CYP20A1: variants seen among roughly 807,000 people sequenced by gnomAD.
CYP20A1 encodes the protein cytochrome P450 family 20 subfamily A member 1.
Under a neutral mutation model 61.4 loss-of-function variants are expected in CYP20A1, and 61 were observed. The ratio of observed to expected loss-of-function variants is 0.99; its 90% CI spans 0.81 to 1.23. The LOEUF (loss-of-function observed/expected upper bound fraction) is 1.23, where lower values mean the gene tolerates loss of function less well. CYP20A1 is among the 50% of genes most tolerant of loss of function. The pLI is 0.00. For missense variants in CYP20A1, 530 were observed against 542.4 expected, an observed-to-expected ratio of 0.98 and a Z score of 0.23; for synonymous variants, 193 against 188.2, an observed-to-expected ratio of 1.03 and a Z score of -0.21.
At chr2:203,264,210 C>G (rs934998542) in intron 4 of CYP20A1, among the ~76,000 whole-genome samples, 1 of 151,990 alleles carries the variant, frequency 6.6e-6, no homozygotes, top group Non-Finnish European at 1.5e-5. Context: ...TTGTCTCAAA[C>G]TCCTGGCCTC....
At chr2:203,263,688 A>G in intron 4 of CYP20A1, among the ~76,000 whole-genome samples, 1 of 152,176 alleles carries the variant, frequency 6.6e-6, no homozygotes, top group East Asian at 1.9e-4. Context: ...GTTATCTACA[A>G]GTATAGTGCT....
rs1286125613 is a variant in CYP20A1, at chr2:203,304,962, T to C, written c.*8054T>C. 1.3e-5 allele frequency among the ~76,000 whole-genome samples: 2 copies of C among 152,126 alleles called. No individual in the cohort carries two copies. The highest frequency in any genetic ancestry group is 6.6e-5 in the Admixed American group (1 of 15,256). On this transcript the variant is annotated 3_prime_UTR_variant, in exon 13 of 13. Coordinates refer to ENST00000356079, the MANE Select transcript of CYP20A1 (RefSeq NM_177538.3). The stretch of plus-strand genomic sequence containing the variant: ...AATAAATAAATACATGTTAAACATA[T>C]ACCTTTATTACTTCATTTTTGTAAG...
chr2:203,239,814 T>C (rs1464895105), intron 1 of CYP20A1, among the ~76,000 whole-genome samples: 1 of 152,146 alleles, frequency 6.6e-6, no homozygotes, highest in Non-Finnish European at 1.5e-5. Context: ...ACAAAAGTGT[T>C]GATGACTGAG....
chr2:203,258,837 T>C (rs1162324310), intron 4 of CYP20A1, among the ~76,000 whole-genome samples: 6 of 152,214 alleles, frequency 3.9e-5, no homozygotes, highest in African/African-American at 1.4e-4. Flanking sequence ...GGCAGTTATG[T>C]TGCCTCTATT....
rs375416936 is a variant in CYP20A1, at chr2:203,275,544, A to T, written c.679+2796A>T. 3.3e-5 allele frequency among the ~76,000 whole-genome samples: 5 copies of T among 151,634 alleles called. No individual in the cohort carries two copies. The East Asian group carries it at 9.7e-4, about 29-fold the overall frequency. On this transcript the variant is annotated intron_variant, in intron 6 of 12. Coordinates refer to ENST00000356079, the MANE Select transcript of CYP20A1 (RefSeq NM_177538.3). ...AACCTCTGCCTCCCGGGTTCAAACG[A>T]TTCTCGGGCCTCAGCCTCCCAAGTA...
chr2:203,239,769 C>T (rs988704127), intron 1 of CYP20A1, among the ~76,000 whole-genome samples: 1 of 152,220 alleles, frequency 6.6e-6, no homozygotes, highest in African/African-American at 2.4e-5. Flanking sequence ...CCTCTCTCCA[C>T]TTGCCTCCGT....
intron 6 of CYP20A1, among the ~76,000 whole-genome samples, chr2:203,273,361 A>G (rs910323419): frequency 6.6e-6 from 1 of 152,218 alleles, no homozygotes; most frequent in Non-Finnish European, 1.5e-5. Flanking sequence ...ACCATAAATA[A>G]TGGATGAAAT....
rs941179562 is a variant in CYP20A1 at position 203,300,583 on chromosome 2, G to A, written c.*3675G>A. ...TTATATTCTTTTTGATAGTTCAGAA[G>A]TGTATTGTTAAAAAACATAAGCATG... On this transcript the variant is annotated 3_prime_UTR_variant, in exon 13 of 13. Coordinates refer to ENST00000356079, the MANE Select transcript of CYP20A1 (RefSeq NM_177538.3). Among the ~76,000 whole-genome samples, 1 of 152,134 alleles carries A rather than the reference G, an allele frequency of 6.6e-6. No homozygotes were observed. Among genetic ancestry groups the A allele is most frequent in the Non-Finnish European group, 1.5e-5 (1 of 68,030 alleles).
intron 1 of CYP20A1, among the ~76,000 whole-genome samples, chr2:203,245,458 T>G (rs2066431028): frequency 6.6e-6 from 1 of 151,944 alleles, no homozygotes; most frequent in Non-Finnish European, 1.5e-5. Flanking sequence ...ACCCAGGTAA[T>G]TATTAAGCCT....
intron 4 of CYP20A1, among the ~76,000 whole-genome samples, chr2:203,264,994 G>A (rs1362315065): frequency 6.6e-6 from 1 of 152,178 alleles, no homozygotes; most frequent in Admixed American, 6.6e-5. Context: ...CTCCCAAAGT[G>A]CTGAGATTAC....
rs545550820 is a variant in CYP20A1, at chr2:203,251,258, CA to C, written c.290-708del. 2.4e-4 allele frequency among the ~76,000 whole-genome samples: 36 copies of C among 150,646 alleles called. No individual in the cohort carries two copies. In the East Asian group the frequency reaches 5.9e-3, roughly 24 times the overall value. ...ATTGGAGAAAATAAATTTTTGAATCCAGCTAAATAATTTTACTGTAATACTT... is the reference window on the plus strand; with the variant it reads ...ATTGGAGAAAATAAATTTTTGAATCCGCTAAATAATTTTACTGTAATACTT... On this transcript the variant is annotated intron_variant, in intron 3 of 12. Transcript: ENST00000356079.
In CYP20A1 at chr2:203,297,295, G is replaced by A. The variant is rs571592668; in HGVS notation, c.*387G>A. The A allele has an allele frequency of 1.8e-4, 31 of 171,892 alleles. No homozygotes were observed. Among genetic ancestry groups the A allele is most frequent in the Non-Finnish European group, 2.3e-4 (19 of 80,866 alleles). The allele number at this position is 171,892 out of a possible 1,614,324, so 10.6% of individuals were successfully genotyped here. A position where few individuals can be genotyped will look rare whatever the true frequency, so the allele number is the denominator to read the frequency against. On this transcript the variant is annotated 3_prime_UTR_variant, in exon 13 of 13. Transcript: ENST00000356079. ...TATAAAATAGAAACATAGGCTGGGC[G>A]CGGTGGCTCACACCTGTAATCCCTA... is the stretch of plus-strand genomic sequence containing the variant.
intron 8 of CYP20A1, 35 bp downstream of exon 8, chr2:203,280,148 A>G: frequency 2.0e-6 from 3 of 1,535,992 alleles, no homozygotes; most frequent in Non-Finnish European, 2.7e-6. Context: ...CAGAGGAATT[A>G]CTAAATATAT....
chr2:203,253,373 G>C (rs1372896079), intron 4 of CYP20A1, among the ~76,000 whole-genome samples: 3 of 152,166 alleles, frequency 2.0e-5, no homozygotes, highest in Non-Finnish European at 4.4e-5. Context: ...CCCTGGCCCA[G>C]GGCTCCGGGC....
At position 203,299,982 on chromosome 2, in the gene CYP20A1, C is replaced by A. The variant is rs987594679; in HGVS notation, c.*3074C>A. 2.5e-4 allele frequency among the ~76,000 whole-genome samples: 38 copies of A among 152,140 alleles called. No individual in the cohort carries two copies. The highest frequency in any genetic ancestry group is 2.5e-3 in the Admixed American group (38 of 15,260). ...GCATCTTCCTTTGTTACCCAAGTAC[C>A]TCGAATGGGTTGGAAACTGGCGGTA... On this transcript the variant is annotated 3_prime_UTR_variant, in exon 13 of 13. Coordinates refer to ENST00000356079, the MANE Select transcript of CYP20A1 (RefSeq NM_177538.3).
In CYP20A1 at chr2:203,299,501, G is replaced by A. The variant is rs747129425; in HGVS notation, c.*2593G>A. 1.3e-5 allele frequency among the ~76,000 whole-genome samples: 2 copies of A among 151,878 alleles called. No individual in the cohort carries two copies. The highest frequency in any genetic ancestry group is 4.8e-5 in the African/African-American group (2 of 41,316). ...GTAAATACCTAACATTTTAGACCTA[G>A]TCATTACCAGTTAACATAGAATTTA... On this transcript the variant is annotated 3_prime_UTR_variant, in exon 13 of 13. Coordinates refer to ENST00000356079, the MANE Select transcript of CYP20A1 (RefSeq NM_177538.3).
At chr2:203,287,515 C>T (rs990104707) in intron 9 of CYP20A1, among the ~76,000 whole-genome samples, 6 of 151,850 alleles carry the variant, frequency 4.0e-5, no homozygotes, top group Admixed American at 2.6e-4. Flanking sequence ...AGACCATTCA[C>T]GGCAACATAG....
rs781453992 is a variant in CYP20A1 at position 203,296,956 on chromosome 2, C to T, written c.*48C>T. On this transcript the variant is annotated 3_prime_UTR_variant, in exon 13 of 13. Coordinates refer to ENST00000356079, the MANE Select transcript of CYP20A1 (RefSeq NM_177538.3). ...TGTTAAATTGATTGAGGAAAACAACCATTTAAAAAAAATCTATGTTGAATC... is the reference window on the plus strand; with the variant it reads ...TGTTAAATTGATTGAGGAAAACAACTATTTAAAAAAAATCTATGTTGAATC... 16 of 1,126,288 alleles carry T rather than the reference C, an allele frequency of 1.4e-5. No individual in the cohort carries two copies. The Admixed American group carries it at 4.1e-4, about 29-fold the overall frequency. The allele number at this position is 1,126,288 out of a possible 1,614,324, so 69.8% of individuals were successfully genotyped here.
rs527676101 is a variant in CYP20A1 at position 203,245,585 on chromosome 2, C to T, written c.73-261C>T. On this transcript the variant is annotated intron_variant, in intron 1 of 12. Transcript: ENST00000356079. ...TTTAGCCCCCACTTATAAGTGAGAA[C>T]ATGTAGTATTTGATTTTCTGTACCT... is the stretch of plus-strand genomic sequence containing the variant. 4.0e-3 allele frequency among the ~76,000 whole-genome samples: 604 copies of T among 152,158 alleles called. 1 individual carries two copies. The highest frequency in any genetic ancestry group is 6.1e-3 in the Non-Finnish European group (418 of 68,002).
Sources: gnomAD v4.1 joint callset for allele counts (sites outside exome capture counted in the v4.1 genomes callset) on GRCh38, gnomAD v4.1.1 for gene constraint, MANE v1.5 for transcripts, NCBI Gene and HGNC (gene_info 2026-07-23, HGNC 2026-07-21) for gene names.